Variants in TOP3A observed in about 807,000 individuals in gnomAD.
TOP3A encodes the protein DNA topoisomerase III alpha.
TOP3A carries 64 observed loss-of-function variants against 111.3 expected under a neutral mutation model. The observed-to-expected ratio is 0.57, with a 90% CI of 0.47 to 0.71. The LOEUF (loss-of-function observed/expected upper bound fraction) is 0.71. TOP3A is among the 30% of genes least tolerant of loss of function. The pLI is 0.00. For synonymous variants in TOP3A, 484 were observed against 485.1 expected (o/e 1.00, Z 0.03); for missense variants, 1,104 against 1,285.0 (o/e 0.86, Z 2.15).
chr17:18,294,553 C>T, intron 10 of TOP3A, 150 bp downstream of exon 10: 1 of 597,682 alleles, frequency 1.7e-6, no homozygotes, highest in South Asian at 2.0e-5. Flanking sequence ...TGGTCTTGAT[C>T]TCTTGACCTC....
At chr17:18,288,929 A>C (rs139024485) in intron 13 of TOP3A, among the ~76,000 whole-genome samples, 148 of 152,292 alleles carry the variant, frequency 9.7e-4, no homozygotes, top group African/African-American at 3.4e-3. Context: ...TGGGCCTCAC[A>C]CTTTGTACCT....
rs948581002 is a variant in TOP3A, at chr17:18,272,507, A to G, written c.*2295T>C. On this transcript the variant is annotated 3_prime_UTR_variant, in exon 19 of 19. Transcript: ENST00000321105. ...CAACAGTGCTATTCACAATAGCCAA[A>G]AAGTGGAAACAACCCAATGTCCATC... is the stretch of plus-strand genomic sequence containing the variant. Among the ~76,000 whole-genome samples the G allele has an allele frequency of 4.6e-5, 7 of 152,244 alleles. No homozygotes were observed. The highest frequency in any genetic ancestry group is 4.6e-4 in the Admixed American group (7 of 15,286).
chr17:18,271,783 C>T lies in TOP3A; in HGVS notation c.*3019G>A. On this transcript the variant is annotated 3_prime_UTR_variant, in exon 19 of 19. Coordinates refer to ENST00000321105, the MANE Select transcript of TOP3A (RefSeq NM_004618.5). ...ACAATTTAAAAATGGGGGAAGAGAC[C>T]AGGTGTGATGGCTCCTGCCTGTTAA... The T allele has an allele frequency of 4.4e-6, 2 of 451,472 alleles. No homozygotes were observed. Among genetic ancestry groups the T allele is most frequent in the South Asian group, 3.2e-5 (2 of 63,316 alleles). 28.0% of individuals were successfully genotyped at this position (451,472 alleles called of 1,614,324 possible).
At chr17:18,286,134 A>C (rs1014009030) in intron 13 of TOP3A, among the ~76,000 whole-genome samples, 21 of 150,792 alleles carry the variant, frequency 1.4e-4, no homozygotes, top group African/African-American at 5.1e-4. Flanking sequence ...CAGGAGACAG[A>C]GGCTGCAACG....
chr17:18,277,092 G>A (rs1186305451), intron 18 of TOP3A, among the ~76,000 whole-genome samples: 1 of 150,216 alleles, frequency 6.7e-6, no homozygotes, highest in Non-Finnish European at 1.5e-5. Context: ...GCTGAGGCAG[G>A]AGAATCATTT....
Position 18,277,931 on chromosome 17 carries a change from T to G in TOP3A, c.2571A>C (p.Gly857=). The G allele has an allele frequency of 1.2e-6, 2 of 1,613,938 alleles. No homozygotes were observed. The highest frequency in any genetic ancestry group is 1.7e-6 in the Non-Finnish European group (2 of 1,180,032). The stretch of plus-strand genomic sequence containing the variant: ...GTCTATATGCCAAGGCAGGAGGCCC[T>G]CCTGCTCCCGGATTGGGGCTGTCTG... ...LWADSPNPGA[G]GPPALAYRPL... Residue 857 remains glycine, a synonymous_variant, in exon 18 of 19, where the codon GGA becomes GGC. Coordinates refer to ENST00000321105, the MANE Select transcript of TOP3A (RefSeq NM_004618.5).
At chr17:18,305,487 C>CACACACA (rs1981512677) in intron 4 of TOP3A, among the ~76,000 whole-genome samples, 1 of 120,684 alleles carries the variant, frequency 8.3e-6, no homozygotes, top group Admixed American at 9.1e-5. Context: ...CACACACACA[C>CACACACA]GCGCGCGCGC....
chr17:18,309,784 A>G (rs1368756369), intron 1 of TOP3A, among the ~76,000 whole-genome samples: 6 of 134,644 alleles, frequency 4.5e-5, no homozygotes, highest in Non-Finnish European at 9.2e-5. Flanking sequence ...ATCTCGGCTC[A>G]CTGCAAGCTC....
In TOP3A at chr17:18,273,254, C is replaced by T. The variant is rs1979109311; in HGVS notation, c.*1548G>A. The T allele has an allele frequency of 6.6e-6, 1 of 152,246 alleles. No individual in the cohort carries two copies. The highest frequency in any genetic ancestry group is 2.1e-4 in the South Asian group (1 of 4,838). 9.4% of individuals were successfully genotyped at this position (152,246 alleles called of 1,614,324 possible). A position where few individuals can be genotyped will look rare whatever the true frequency, so the allele number is the denominator to read the frequency against. ...GCAACTCACACCCACCTCTGCTCATCTTCTAAACTGTAAATCAGAGTCCAT... is the reference window on the plus strand; with the variant it reads ...GCAACTCACACCCACCTCTGCTCATTTTCTAAACTGTAAATCAGAGTCCAT... On this transcript the variant is annotated 3_prime_UTR_variant, in exon 19 of 19. Coordinates refer to ENST00000321105, the MANE Select transcript of TOP3A (RefSeq NM_004618.5).
At chr17:18,293,847 G>T (rs548060763) in intron 10 of TOP3A, among the ~76,000 whole-genome samples, 3 of 152,076 alleles carry the variant, frequency 2.0e-5, no homozygotes, top group African/African-American at 7.2e-5. Context: ...CACCCACCTC[G>T]GCCTCCCAAA....
intron 13 of TOP3A, among the ~76,000 whole-genome samples, chr17:18,290,232 C>T (rs986386174): frequency 7.9e-5 from 12 of 152,158 alleles, no homozygotes; most frequent in African/African-American, 1.9e-4. Flanking sequence ...TGTTCTTATT[C>T]GAAAGAACAA....
chr17:18,283,412 C>T (rs1979893532), intron 15 of TOP3A, among the ~76,000 whole-genome samples: 1 of 152,056 alleles, frequency 6.6e-6, no homozygotes, highest in African/African-American at 2.4e-5. Flanking sequence ...GTACAAACTC[C>T]AGGAGTGTCT....
At chr17:18,302,106 A>G in intron 7 of TOP3A, 121 bp from the exon 8 acceptor site, 1 of 1,365,448 alleles carries the variant, frequency 7.3e-7, no homozygotes, top group Non-Finnish European at 1.0e-6. Flanking sequence ...GAGTTTCTGG[A>G]TAACAAAGGG....
At chr17:18,298,197 G>A (rs1339468968) in intron 9 of TOP3A, among the ~76,000 whole-genome samples, 5 of 149,996 alleles carry the variant, frequency 3.3e-5, no homozygotes, top group African/African-American at 5.0e-5. Context: ...CAACCGCCCC[G>A]TCTGAGAAGT....
At position 18,274,818 on chromosome 17, in the gene TOP3A, CA is replaced by C. The variant is rs777850988; in HGVS notation, c.2989del (p.Cys997ValfsTer11). On this transcript the variant is annotated frameshift_variant, in exon 19 of 19. Transcript: ENST00000321105. LOFTEE classifies it high-confidence loss of function. ...ACCCTGAGCTCATCTGTTCTGAGGA[CA>C]AAAGGGACGGGTGTGTCCAGGCTGG... ...CHQPGHTRPF[C>X]PQNR The C allele has an allele frequency of 2.0e-5, 33 of 1,614,008 alleles. No individual in the cohort carries two copies. The African/African-American group carries it at 4.1e-4, about 20-fold the overall frequency.
rs1384236988 is a variant in TOP3A at position 18,287,261 on chromosome 17, T to C, written c.1598-1741A>G. 2.0e-5 allele frequency among the ~76,000 whole-genome samples: 3 copies of C among 152,052 alleles called. No homozygotes were observed. The East Asian group carries it at 5.8e-4, about 30-fold the overall frequency. Reference sequence around the variant, plus strand: ...TAAAACAAAAAAGTCTGGCTGGGCATGGTGGCTCAGGCCTATAATCCCAGC... The same window carrying C: ...TAAAACAAAAAAGTCTGGCTGGGCACGGTGGCTCAGGCCTATAATCCCAGC... On this transcript the variant is annotated intron_variant, in intron 13 of 18. Transcript: ENST00000321105.
intron 8 of TOP3A, 111 bp downstream of exon 8, chr17:18,301,774 G>C: frequency 4.6e-6 from 4 of 873,342 alleles, no homozygotes; most frequent in Non-Finnish European, 7.1e-6. Context: ...CCCCTGAGAT[G>C]CAAACTTAAA....
chr17:18,282,977 A>G (rs2142944529), intron 15 of TOP3A, 136 bp from the exon 16 acceptor site: 5 of 1,137,772 alleles, frequency 4.4e-6, no homozygotes, highest in Non-Finnish European at 6.2e-6. Flanking sequence ...TGCAGAGAAC[A>G]GACGGCAGAC....
chr17:18,284,825 GC>G (rs1375872559), intron 15 of TOP3A, among the ~76,000 whole-genome samples: 1 of 152,110 alleles, frequency 6.6e-6, no homozygotes, highest in Non-Finnish European at 1.5e-5. Flanking sequence ...TATTTCTAAA[GC>G]CAATAGTTCA....
Sources: allele counts gnomAD v4.1 joint callset (sites outside exome capture counted in the v4.1 genomes callset), GRCh38; gene constraint gnomAD v4.1.1; transcripts MANE v1.5; gene names NCBI Gene and HGNC (gene_info 2026-07-23, HGNC 2026-07-21).